TBC1D8B: variants seen among roughly 807,000 people sequenced by gnomAD.
TBC1D8B encodes TBC1 domain family member 8B.
TBC1D8B carries 75 observed loss-of-function variants against 82.9 expected under a neutral mutation model. That is an observed-to-expected ratio of 0.90 (90% CI 0.75 to 1.10). TBC1D8B has a LOEUF of 1.10. TBC1D8B is among the 50% of genes least tolerant of loss of function. The pLI, the probability that TBC1D8B is intolerant of heterozygous loss-of-function variation, is 0.00. For synonymous variants in TBC1D8B, 276 were observed against 276.8 expected, an observed-to-expected ratio of 1.00 and a Z score of 0.03; for missense variants, 794 against 796.9, an observed-to-expected ratio of 1.00 and a Z score of 0.04.
chrX:106,838,946 A>T (rs1176770729), intron 7 of TBC1D8B, among the ~76,000 whole-genome samples: 1 of 111,933 alleles, frequency 8.9e-6, no homozygotes, highest in Non-Finnish European at 1.9e-5. Context: ...GGATAGAGTT[A>T]AAAGACCCAC....
chrX:106,819,271 C>T (rs1364486510), intron 2 of TBC1D8B, among the ~76,000 whole-genome samples: 1 of 110,838 alleles, frequency 9.0e-6, no homozygotes, highest in Non-Finnish European at 1.9e-5. Flanking sequence ...GAAGGAATGT[C>T]TTACAGTTAA....
chrX:106,818,337 A>G (rs1931598563), intron 1 of TBC1D8B: 1 of 131,479 alleles, frequency 7.6e-6, no homozygotes, highest in African/African-American at 3.2e-5. Context: ...CAGTTAGTCT[A>G]TAGTACTATA....
At chrX:106,838,165 T>A (rs1193255271) in intron 7 of TBC1D8B, among the ~76,000 whole-genome samples, 1 of 111,586 alleles carries the variant, frequency 9.0e-6, no homozygotes, top group Non-Finnish European at 1.9e-5. Context: ...TTTATTTTTT[T>A]AAACATAGTT....
chrX:106,810,735 C>G (rs772047206), intron 1 of TBC1D8B, among the ~76,000 whole-genome samples: 7 of 111,957 alleles, frequency 6.3e-5, no homozygotes, highest in Non-Finnish European at 1.1e-4. Context: ...AGGAAAATCA[C>G]GTAGAGCAAC....
chrX:106,849,013 G>C (rs1379599673), intron 11 of TBC1D8B, among the ~76,000 whole-genome samples: 1 of 105,795 alleles, frequency 9.5e-6, no homozygotes, highest in Non-Finnish European at 1.9e-5. Context: ...TCCTGACCTC[G>C]TGATCCACCC....
At position 106,840,873 on chromosome X, in the gene TBC1D8B, G is replaced by C. The variant is rs371525354; in HGVS notation, c.1708G>C (p.Gly570Arg). The change falls in exon 10 of 21, where the codon GGA (glycine) becomes CGA (arginine). Residue 570 changes from glycine to arginine, a missense_variant. Coordinates refer to ENST00000357242, the MANE Select transcript of TBC1D8B (RefSeq NM_017752.3). ...TTATGCATACAGGAATCCCAAAATT[G>C]GATACTGCCAGGTATGACTTAACTA... ...TAYAYRNPKI[G>R]YCQAMNILTS... 5.8e-6 allele frequency: 7 copies of C among 1,206,385 alleles called. No homozygotes were observed. In the African/African-American group the frequency reaches 1.2e-4, roughly 21 times the overall value.
chrX:106,862,766 GT>G (rs199693098), intron 14 of TBC1D8B, among the ~76,000 whole-genome samples: 1 of 35,786 alleles, frequency 2.8e-5, no homozygotes, highest in African/African-American at 9.5e-5. Flanking sequence ...CTTTGGATGG[GT>G]TTTTTTTTGT....
At chrX:106,822,265 A>AGT in intron 4 of TBC1D8B, 63 bp downstream of exon 4, 2 of 869,634 alleles carry the variant, frequency 2.3e-6, no homozygotes, top group Non-Finnish European at 3.2e-6. Context: ...AACTCTAATG[A>AGT]TGTTAGGTTG....
At chrX:106,829,139 T>C (rs1176316762) in intron 7 of TBC1D8B, 1 of 106,043 alleles carries the variant, frequency 9.4e-6, no homozygotes, top group East Asian at 2.9e-4. Flanking sequence ...AGCATTCTTA[T>C]ACACCAATAA....
chrX:106,813,102 C>G (rs1473874588), intron 1 of TBC1D8B, among the ~76,000 whole-genome samples: 1 of 111,988 alleles, frequency 8.9e-6, no homozygotes, highest in Admixed American at 9.5e-5. Context: ...AGGTGATTCA[C>G]CCGCCTCGGC....
chrX:106,866,886 G>C, intron 17 of TBC1D8B, 24 bp downstream of exon 17: 1 of 1,070,878 alleles, frequency 9.3e-7, no homozygotes, highest in Non-Finnish European at 1.3e-6. Context: ...AGTCTTTAAC[G>C]ATGTACAGCA....
intron 12 of TBC1D8B, among the ~76,000 whole-genome samples, chrX:106,853,200 T>C (rs1932628741): frequency 9.0e-6 from 1 of 111,178 alleles, no homozygotes; most frequent in Non-Finnish European, 1.9e-5. Context: ...TAAATGGGAG[T>C]TCACTCATGA....
chrX:106,858,634 T>G (rs755345054), intron 14 of TBC1D8B, among the ~76,000 whole-genome samples: 3 of 112,461 alleles, frequency 2.7e-5, no homozygotes, highest in Admixed American at 9.4e-5. Context: ...GATGCATAGT[T>G]TGCAAATATT....
intron 14 of TBC1D8B, among the ~76,000 whole-genome samples, chrX:106,857,731 C>G (rs1015059757): frequency 8.9e-6 from 1 of 112,047 alleles, no homozygotes; most frequent in Non-Finnish European, 1.9e-5. Context: ...CATGTTGCTC[C>G]AAAGAACATA....
In TBC1D8B at chrX:106,823,510, A is replaced by G. The variant is rs1028918948; in HGVS notation, c.827+44A>G. 9 of 1,168,710 alleles carry G rather than the reference A, an allele frequency of 7.7e-6. No individual in the cohort carries two copies. The African/African-American group carries it at 1.1e-4, about 14-fold the overall frequency. Reference sequence around the variant, plus strand: ...TTAGTTTTCAAAGTATTGTTTGACCATAAGAATGAAGATAGTATTGCTTAC... The same window carrying G: ...TTAGTTTTCAAAGTATTGTTTGACCGTAAGAATGAAGATAGTATTGCTTAC... On this transcript the variant is annotated intron_variant, in intron 5 of 20. Transcript: ENST00000357242.
chrX:106,871,677 C>T (rs1932849151), intron 20 of TBC1D8B, among the ~76,000 whole-genome samples: 1 of 111,967 alleles, frequency 8.9e-6, no homozygotes, highest in Admixed American at 9.5e-5. Context: ...CCCAAGACTG[C>T]TCCCTCCTTT....
At position 106,870,821 on chromosome X, in the gene TBC1D8B, A is replaced by C; in HGVS notation, c.2967+8A>C. ...TTACCAAGAATGAATCAGGTATAGC[A>C]TTTTTAAAAAGAAAATTCTAAGTTC... On this transcript the variant is annotated splice_region_variant and intron_variant, in intron 20 of 20. Coordinates refer to ENST00000357242, the MANE Select transcript of TBC1D8B (RefSeq NM_017752.3). 8.7e-7 allele frequency: 1 copy of C among 1,145,932 alleles called. No homozygotes were observed. The highest frequency in any genetic ancestry group is 1.2e-6 in the Non-Finnish European group (1 of 848,780). The allele number at this position is 1,145,932 out of a possible 1,213,427, so 94.4% of individuals were successfully genotyped here.
intron 1 of TBC1D8B, chrX:106,814,909 T>A (rs1219552253): frequency 4.5e-5 from 5 of 112,051 alleles, no homozygotes; most frequent in African/African-American, 1.6e-4. Flanking sequence ...TTTTTTCTTC[T>A]AAATTTGTTT....
intron 5 of TBC1D8B, among the ~76,000 whole-genome samples, chrX:106,824,209 G>A (rs1033889223): frequency 9.0e-6 from 1 of 111,330 alleles, no homozygotes; most frequent in African/African-American, 3.3e-5. Context: ...AAAAGGAGAG[G>A]AGATGATCCA....
Sources: gnomAD v4.1 joint callset for allele counts (sites outside exome capture counted in the v4.1 genomes callset) on GRCh38, gnomAD v4.1.1 for gene constraint, MANE v1.5 for transcripts, NCBI Gene and HGNC (gene_info 2026-07-23, HGNC 2026-07-21) for gene names.